The following CAPN9 variants were observed in gnomAD, a reference collection of about 807,000 sequenced individuals.
CAPN9 encodes the protein calpain 9.
Under a neutral mutation model 92.8 loss-of-function variants are expected in CAPN9, and 81 were observed. The observed-to-expected ratio is 0.87, with a 90% CI of 0.73 to 1.05. The LOEUF (loss-of-function observed/expected upper bound fraction) is 1.05, where lower values mean the gene tolerates loss of function less well. CAPN9 is among the 50% of genes least tolerant of loss of function. The pLI, the probability that CAPN9 is intolerant of heterozygous loss-of-function variation, is 0.00. For missense variants in CAPN9, 848 were observed against 866.2 expected (o/e 0.98, Z 0.26); for synonymous variants, 304 against 328.0 (o/e 0.93, Z 0.79).
Position 230,788,920 on chromosome 1 carries a change from C to A in CAPN9, c.1600-1212C>A, listed in dbSNP as rs74144834. On this transcript the variant is annotated intron_variant, in intron 13 of 19. Transcript: ENST00000271971. ...TGAATGTTGCAGGAGTTTCAGTCGACCTTTATTAACAACCAAAAAGTACCT... is the reference window on the plus strand; with the variant it reads ...TGAATGTTGCAGGAGTTTCAGTCGAACTTTATTAACAACCAAAAAGTACCT... Among the ~76,000 whole-genome samples the A allele has an allele frequency of 7.5e-3, 1,141 of 152,252 alleles. 12 individuals are homozygous for A. The highest frequency in any genetic ancestry group is 0.026 in the African/African-American group (1,067 of 41,526).
intron 8 of CAPN9, among the ~76,000 whole-genome samples, chr1:230,775,623 T>A (rs1666704090): frequency 6.6e-6 from 1 of 152,104 alleles, no homozygotes; most frequent in Non-Finnish European, 1.5e-5. Context: ...TGTAACAGCT[T>A]TTAAAATACA....
At chr1:230,787,419 G>A in intron 12 of CAPN9, 103 bp from the exon 13 acceptor site, 1 of 888,586 alleles carries the variant, frequency 1.1e-6, no homozygotes, top group Non-Finnish European at 1.8e-6. Flanking sequence ...TCAGGAGGGT[G>A]ACATGGGGCT....
At chr1:230,790,598 A>T (rs543000154) in intron 14 of CAPN9, among the ~76,000 whole-genome samples, 2 of 136,730 alleles carry the variant, frequency 1.5e-5, no homozygotes, top group African/African-American at 6.1e-5. Flanking sequence ...GCAACCACTC[A>T]TCTACTTTCT....
In CAPN9 at chr1:230,786,056, G is replaced by A. The variant is rs767451784; in HGVS notation, c.1518+39G>A. 8.1e-6 allele frequency: 13 copies of A among 1,611,508 alleles called. No individual in the cohort carries two copies. The East Asian group carries it at 1.6e-4, about 19-fold the overall frequency. ...TGTTGCTATGGAGTATGGGATTCAG[G>A]TGATGGTTCTGGAAACCTTCCTTCT... is the stretch of plus-strand genomic sequence containing the variant. On this transcript the variant is annotated intron_variant, in intron 12 of 19. Coordinates refer to ENST00000271971, the MANE Select transcript of CAPN9 (RefSeq NM_006615.3).
intron 11 of CAPN9, among the ~76,000 whole-genome samples, chr1:230,781,524 C>T (rs555477553): frequency 2.0e-5 from 3 of 152,314 alleles, no homozygotes; most frequent in East Asian, 1.9e-4. Context: ...AGTGTCTTAG[C>T]GAAATTACTT....
In CAPN9 at chr1:230,801,756, T is replaced by A; in HGVS notation, c.*160T>A. The stretch of plus-strand genomic sequence containing the variant: ...TTGATCTGGGAAGAATGAAATGAAC[T>A]CAGCTACACTCTCTGATTTTGTGCT... On this transcript the variant is annotated 3_prime_UTR_variant, in exon 20 of 20. Transcript: ENST00000271971. The A allele has an allele frequency of 1.4e-6, 1 of 704,860 alleles. No homozygotes were observed. Among genetic ancestry groups the A allele is most frequent in the Admixed American group, 2.2e-5 (1 of 46,080 alleles). 43.7% of individuals were successfully genotyped at this position (704,860 alleles called of 1,614,324 possible).
intron 13 of CAPN9, 74 bp from the exon 14 acceptor site, chr1:230,790,058 C>G: frequency 7.6e-7 from 1 of 1,322,442 alleles, no homozygotes; most frequent in Non-Finnish European, 1.1e-6. Flanking sequence ...AAGCTCAGAA[C>G]TGATTTAAAA....
rs28359583 is a variant in CAPN9, at chr1:230,747,760, G to T, written c.213+51G>T. ...GCATAGATGAGGCCGAGGTTCAGCA[G>T]CCCCCGCAGGAAGTGGAAACAGGGG... On this transcript the variant is annotated intron_variant, in intron 1 of 19. Transcript: ENST00000271971. 5.3e-3 allele frequency: 8,135 copies of T among 1,532,968 alleles called. 275 individuals are homozygous for T. In the East Asian group the frequency reaches 0.084, roughly 16 times the overall value. 95.0% of individuals were successfully genotyped at this position (1,532,968 alleles called of 1,614,324 possible).
At chr1:230,767,789 C>G in intron 5 of CAPN9, 80 bp downstream of exon 5, 1 of 1,312,034 alleles carries the variant, frequency 7.6e-7, no homozygotes, top group Non-Finnish European at 1.1e-6. Context: ...TGGGGCTGTA[C>G]CAGGTACCCC....
intron 1 of CAPN9, 98 bp downstream of exon 1, chr1:230,747,807 G>A (rs1013711597): frequency 2.5e-5 from 26 of 1,053,164 alleles, no homozygotes; most frequent in Middle Eastern, 2.3e-4. Context: ...GGCCGGCTAC[G>A]CTCAGTGCAA....
At position 230,779,033 on chromosome 1, in the gene CAPN9, C is replaced by T. The variant is rs186852645; in HGVS notation, c.1014C>T (p.Pro338=). 113 of 1,613,226 alleles carry T rather than the reference C, an allele frequency of 7.0e-5. No homozygotes were observed. In the East Asian group the frequency reaches 2.3e-3, roughly 32 times the overall value. ...FDKVEICNLT[P]DALEEDAIHK... ...AAGTGGAGATCTGCAACCTCACTCC[C>T]GATGCCCTGGAGGAAGACGCGATCC... Residue 338 remains proline (P), a synonymous_variant, in exon 9 of 20, where the codon CCC becomes CCT. Coordinates refer to ENST00000271971, the MANE Select transcript of CAPN9 (RefSeq NM_006615.3).
rs770779690 is a variant in CAPN9, at chr1:230,762,743, CACA to C, written c.496_498del (p.Asn166del). On this transcript the variant is annotated inframe_deletion, in exon 4 of 20. Transcript: ENST00000271971. Reference sequence around the variant, plus strand: ...CTTGGTTTTCCTCCACTCTGCCGACCACAACGAGTTCTGGAGCGCCTTGCTGGA... The same window carrying C: ...CTTGGTTTTCCTCCACTCTGCCGACCACGAGTTCTGGAGCGCCTTGCTGGA... The C allele has an allele frequency of 2.5e-6, 4 of 1,614,140 alleles. No individual in the cohort carries two copies. The South Asian group carries it at 3.3e-5, about 13-fold the overall frequency.
Position 230,800,102 on chromosome 1 carries a change from C to T in CAPN9, c.2047-1468C>T, listed in dbSNP as rs1046399624. 3.3e-5 allele frequency among the ~76,000 whole-genome samples: 5 copies of T among 151,524 alleles called. No homozygotes were observed. The East Asian group carries it at 7.8e-4, about 24-fold the overall frequency. ...CTGAGGCAGGAGAATGGCATGAACC[C>T]GGGAGGTGGAGCTTACAGTGAGCCA... On this transcript the variant is annotated intron_variant, in intron 19 of 19. Transcript: ENST00000271971.
chr1:230,748,998 G>T (rs541866121), intron 1 of CAPN9, among the ~76,000 whole-genome samples: 2 of 152,326 alleles, frequency 1.3e-5, no homozygotes, highest in East Asian at 3.9e-4. Flanking sequence ...ATGTGCATGT[G>T]TGTGACTGTG....
Position 230,801,976 on chromosome 1 carries a change from C to T in CAPN9, c.*380C>T. The T allele has an allele frequency of 4.2e-6, 1 of 236,346 alleles. No homozygotes were observed. Among genetic ancestry groups the T allele is most frequent in the East Asian group, 8.3e-5 (1 of 12,088 alleles). The allele number at this position is 236,346 out of a possible 1,614,324, so 14.6% of individuals were successfully genotyped here. On this transcript the variant is annotated 3_prime_UTR_variant, in exon 20 of 20. Transcript: ENST00000271971. ...TTGTGATCAGACATCCTTTATAAAACATGTTTTTATAAATGTGTATGTGGA... is the reference window on the plus strand; with the variant it reads ...TTGTGATCAGACATCCTTTATAAAATATGTTTTTATAAATGTGTATGTGGA...
At chr1:230,772,235 G>C (rs966978083) in intron 7 of CAPN9, 136 bp downstream of exon 7, 1 of 696,822 alleles carries the variant, frequency 1.4e-6, no homozygotes, top group Non-Finnish European at 2.5e-6. Context: ...CCGATTCTGA[G>C]GTGCCCCTTC....
chr1:230,770,879 T>C (rs757630375), intron 6 of CAPN9, among the ~76,000 whole-genome samples: 1 of 152,204 alleles, frequency 6.6e-6, no homozygotes, highest in African/African-American at 2.4e-5. Context: ...TAAAGAACAC[T>C]GAAGGGAGAC....
intron 1 of CAPN9, among the ~76,000 whole-genome samples, chr1:230,749,297 C>T (rs1261281994): frequency 6.6e-6 from 1 of 152,206 alleles, no homozygotes; most frequent in East Asian, 1.9e-4. Flanking sequence ...ACTTTACAGA[C>T]AGGATTAGTA....
At chr1:230,753,749 G>A (rs535527369) in intron 1 of CAPN9, among the ~76,000 whole-genome samples, 2 of 152,154 alleles carry the variant, frequency 1.3e-5, no homozygotes, top group South Asian at 2.1e-4. Flanking sequence ...GCAGGCCCCG[G>A]CCCAGTTAAC....
Sources: gnomAD v4.1 joint callset for allele counts (sites outside exome capture counted in the v4.1 genomes callset) on GRCh38, gnomAD v4.1.1 for gene constraint, MANE v1.5 for transcripts, NCBI Gene and HGNC (gene_info 2026-07-23, HGNC 2026-07-21) for gene names.